DPH1: variants seen among roughly 807,000 people sequenced by gnomAD.
DPH1 encodes 2-(3-amino-3-carboxypropyl)histidine synthase subunit 1.
DPH1 carries 59 observed loss-of-function variants against 55.3 expected under a neutral mutation model. That is an observed-to-expected ratio of 1.07 (90% CI 0.87 to 1.33). The LOEUF (loss-of-function observed/expected upper bound fraction) is 1.33. Among genes scored for constraint, DPH1 ranks in the 40% most tolerant of loss-of-function variants. The pLI, the probability that DPH1 is intolerant of heterozygous loss-of-function variation, is 0.00. For missense variants in DPH1, 628 were observed against 584.8 expected, an observed-to-expected ratio of 1.07 and a Z score of -0.76; for synonymous variants, 238 against 235.5, an observed-to-expected ratio of 1.01 and a Z score of -0.10.
At chr17:2,042,052 C>T (rs1231260494) in intron 12 of DPH1, 177 bp downstream of exon 12, 2 of 1,528,360 alleles carry the variant, frequency 1.3e-6, no homozygotes, top group African/African-American at 1.4e-5. Flanking sequence ...GGCATAATGG[C>T]CGCGCAGCGA....
chr17:2,036,410 C>T lies in DPH1; in HGVS notation c.401-119C>T, dbSNP rs759195220. ...ATCTGTGACCCCCCTCTTCTCCTAC[C>T]CTGTCCTTTTACCCCCAGGCTGAAG... On this transcript the variant is annotated intron_variant, in intron 4 of 12. Transcript: ENST00000263083. The surrounding 1 kb of genome is among the most constrained non-coding windows in gnomAD (Gnocchi z 4.8). 8.2e-6 allele frequency: 11 copies of T among 1,343,504 alleles called. No individual in the cohort carries two copies. The East Asian group carries it at 1.8e-4, about 23-fold the overall frequency. The allele number at this position is 1,343,504 out of a possible 1,614,324, so 83.2% of individuals were successfully genotyped here. A position where few individuals can be genotyped will look rare whatever the true frequency, so the allele number is the denominator to read the frequency against.
Position 2,036,552 on chromosome 17 carries a change from G to C in DPH1, c.424G>C (p.Asp142His). 1 of 1,614,070 alleles carries C rather than the reference G, an allele frequency of 6.2e-7. No homozygotes were observed. The highest frequency in any genetic ancestry group is 8.5e-7 in the Non-Finnish European group (1 of 1,179,986). ...AGTTCCCATGGACACCTCGGCCCAAGACTTCCGGGTGCTGTACGTCTTTGT... is the reference window on the plus strand; with the variant it reads ...AGTTCCCATGGACACCTCGGCCCAACACTTCCGGGTGCTGTACGTCTTTGT... Reference protein sequence around the residue: ...CLIPMDTSAQDFRVLYVFVDI... With the variant: ...CLIPMDTSAQHFRVLYVFVDI... Residue 142 changes from aspartate (D) to histidine (H), a missense_variant, in exon 5 of 13, where the codon GAC becomes CAC. By Grantham distance (81) the Asp-to-His change is moderately conservative. Coordinates refer to ENST00000263083, the MANE Select transcript of DPH1 (RefSeq NM_001383.6). The surrounding 1 kb of genome is among the most constrained non-coding windows in gnomAD (Gnocchi z 4.8).
intron 8 of DPH1, 25 bp downstream of exon 8, chr17:2,040,399 G>A: frequency 6.2e-7 from 1 of 1,613,576 alleles, no homozygotes; most frequent in Non-Finnish European, 8.5e-7. Flanking sequence ...GACAGCCTCT[G>A]GAGGAGGGAA....
intron 1 of DPH1, among the ~76,000 whole-genome samples, chr17:2,030,654 T>A (rs1338892585): frequency 6.6e-6 from 1 of 152,202 alleles, no homozygotes; most frequent in Non-Finnish European, 1.5e-5. Flanking sequence ...TGGGTGCAGG[T>A]ACTAGAATCA....
intron 12 of DPH1, 76 bp downstream of exon 12, chr17:2,041,951 C>G (rs1026405972): frequency 1.3e-6 from 2 of 1,523,738 alleles, no homozygotes; most frequent in South Asian, 2.4e-5. Flanking sequence ...GAGGCCCGCC[C>G]TCGGGGCGGT....
chr17:2,035,681 G>T (rs1257236796), intron 3 of DPH1, among the ~76,000 whole-genome samples: 1 of 152,118 alleles, frequency 6.6e-6, no homozygotes, highest in African/African-American at 2.4e-5. Flanking sequence ...TCTGTGTTTT[G>T]ACCCCACGTG....
chr17:2,032,274 G>A (rs1055109551), intron 1 of DPH1, among the ~76,000 whole-genome samples: 19 of 152,098 alleles, frequency 1.2e-4, no homozygotes, highest in Admixed American at 8.5e-4. Context: ...TAGGTTTTCC[G>A]CAGGGCTGTT....
chr17:2,035,389 AGGG>A (rs2067398369), intron 3 of DPH1, among the ~76,000 whole-genome samples: 1 of 70,058 alleles, frequency 1.4e-5, no homozygotes, highest in Non-Finnish European at 3.3e-5. Context: ...CTGGGCACCA[AGGG>A]CCCTGCCTGC....
chr17:2,030,952 C>T (rs2151338713), intron 1 of DPH1, among the ~76,000 whole-genome samples: 1 of 152,352 alleles, frequency 6.6e-6, no homozygotes, highest in African/African-American at 2.4e-5. Flanking sequence ...CCGCCGCCCA[C>T]ACAGTGGGTG....
intron 7 of DPH1, 115 bp from the exon 8 acceptor site, chr17:2,040,103 A>G: frequency 7.0e-7 from 1 of 1,429,372 alleles, no homozygotes; most frequent in Non-Finnish European, 9.5e-7. Flanking sequence ...TCTGTTCTTA[A>G]TTACCTGCGT....
chr17:2,033,970 C>T, intron 3 of DPH1, 128 bp downstream of exon 3: 1 of 1,042,314 alleles, frequency 9.6e-7, no homozygotes, highest in East Asian at 2.5e-5. Context: ...CCCCCTTTCC[C>T]TCCCACAACC....
chr17:2,033,551 C>G lies in DPH1; in HGVS notation c.108C>G (p.Ile36Met). Residue 36 changes from isoleucine (I) to methionine (M), a missense_variant, in exon 2 of 13, where the codon ATC (isoleucine) becomes ATG (methionine). Physicochemically the swap from Ile to Met is conservative, Grantham distance 10. Transcript: ENST00000263083. ...TGGCCAATCAGATCCCCCCTGAGAT[C>G]CTGAAGAACCCTCAGCTGCAGGCAG... ...GRVANQIPPE[I>M]LKNPQLQAAI... 1 of 1,614,214 alleles carries G rather than the reference C, an allele frequency of 6.2e-7. No homozygotes were observed. Among genetic ancestry groups the G allele is most frequent in the Non-Finnish European group, 8.5e-7 (1 of 1,180,044 alleles).
intron 10 of DPH1, 22 bp from the exon 11 acceptor site, chr17:2,041,459 G>T (rs750691184): frequency 1.3e-6 from 2 of 1,585,912 alleles, no homozygotes; most frequent in Non-Finnish European, 1.7e-6. Context: ...AGATGTTATT[G>T]TCCCTCCCTC....
At chr17:2,037,576 A>G (rs2067446171) in intron 6 of DPH1, among the ~76,000 whole-genome samples, 1 of 152,090 alleles carries the variant, frequency 6.6e-6, no homozygotes, top group African/African-American at 2.4e-5. Context: ...CTGCTCCCCG[A>G]GCAGCACTGA....
intron 11 of DPH1, 36 bp downstream of exon 11, chr17:2,041,657 G>A (rs1377052673): frequency 2.5e-6 from 4 of 1,589,738 alleles, no homozygotes; most frequent in Non-Finnish European, 3.4e-6. Flanking sequence ...GAGAGACCGC[G>A]CCTGGGCACT....
chr17:2,031,624 G>A (rs1407476967), intron 1 of DPH1, among the ~76,000 whole-genome samples: 1 of 150,148 alleles, frequency 6.7e-6, no homozygotes, highest in Non-Finnish European at 1.5e-5. Flanking sequence ...TGTGGTCCTA[G>A]CTACTGGGGA....
chr17:2,037,673 T>C (rs997979217), intron 6 of DPH1, among the ~76,000 whole-genome samples: 3 of 152,192 alleles, frequency 2.0e-5, no homozygotes, highest in Non-Finnish European at 4.4e-5. Flanking sequence ...CCCTGAGTGT[T>C]AGCCATTCAT....
Position 2,041,124 on chromosome 17 carries a change from A to C in DPH1, c.1029A>C (p.Pro343=). 6.2e-7 allele frequency: 1 copy of C among 1,604,378 alleles called. No individual in the cohort carries two copies. Among genetic ancestry groups the C allele is most frequent in the Non-Finnish European group, 8.5e-7 (1 of 1,175,528 alleles). The change falls in exon 10 of 13, where the codon CCA becomes CCC. Residue 343 remains proline, a synonymous_variant. Coordinates refer to ENST00000263083, the MANE Select transcript of DPH1 (RefSeq NM_001383.6). ...CCAGGTGGGTGCAGGTGGCATGTCC[A>C]CGTCTCTCCATTGACTGGGGCACAG... ...EVDVWVQVAC[P]RLSIDWGTAF...
At chr17:2,042,335 C>T (rs2067553329) in intron 12 of DPH1, 28 of 1,367,364 alleles carry the variant, frequency 2.0e-5, no homozygotes, top group Non-Finnish European at 2.7e-5. Flanking sequence ...CCGCATTCCT[C>T]CCACCCAGTC....
Sources: allele counts gnomAD v4.1 joint callset (sites outside exome capture counted in the v4.1 genomes callset), GRCh38; gene constraint gnomAD v4.1.1; non-coding constraint Gnocchi (gnomAD v3.1); transcripts MANE v1.5; gene names NCBI Gene and HGNC (gene_info 2026-07-23, HGNC 2026-07-21).